SLC30A8: variants seen among roughly 807,000 people sequenced by gnomAD.
The protein encoded by SLC30A8 is proton-coupled zinc antiporter SLC30A8.
A neutral mutation model predicts 36.9 loss-of-function variants in SLC30A8; 27 were observed. The observed-to-expected ratio is 0.73, with a 90% CI of 0.54 to 1.01. The LOEUF (loss-of-function observed/expected upper bound fraction) is 1.01, where lower values mean the gene tolerates loss of function less well. SLC30A8 is among the 50% of genes least tolerant of loss of function. SLC30A8 has a pLI of 0.00. For missense variants in SLC30A8, 439 were observed against 452.0 expected (o/e 0.97, Z 0.26); for synonymous variants, 164 against 172.4 (o/e 0.95, Z 0.38).
chr8:117,041,324 G>A (rs939844181), intron 2 of SLC30A8, among the ~76,000 whole-genome samples: 5 of 152,212 alleles, frequency 3.3e-5, no homozygotes, highest in South Asian at 2.1e-4. Flanking sequence ...AACACTTTCC[G>A]AGTTTCATCA....
intron 6 of SLC30A8, among the ~76,000 whole-genome samples, chr8:117,167,241 G>A (rs1332030145): frequency 3.3e-5 from 5 of 152,046 alleles, no homozygotes; most frequent in South Asian, 2.1e-4. Context: ...ACTGGACTAC[G>A]TCAGCTAGTT....
chr8:117,003,593 T>C (rs1816083917), intron 1 of SLC30A8, among the ~76,000 whole-genome samples: 1 of 152,188 alleles, frequency 6.6e-6, no homozygotes, highest in African/African-American at 2.4e-5. Flanking sequence ...TTTTGTATAA[T>C]AGAGAAAATA....
At chr8:116,983,041 A>G (rs928141901) in intron 1 of SLC30A8, among the ~76,000 whole-genome samples, 1 of 152,148 alleles carries the variant, frequency 6.6e-6, no homozygotes, top group South Asian at 2.1e-4. Context: ...GAAAGAATCT[A>G]CCTTTCAAAC....
chr8:117,153,093 A>G lies in SLC30A8; in HGVS notation c.418+3A>G. On this transcript the variant is annotated splice_donor_region_variant and intron_variant, in intron 3 of 7. Coordinates refer to ENST00000456015, the MANE Select transcript of SLC30A8 (RefSeq NM_173851.3). ...GACATTTGGATGGCACCGAGCAGGT[A>G]CGGTTCATAGAGTGAGCAATAACAG... is the stretch of plus-strand genomic sequence containing the variant. 1 of 1,604,190 alleles carries G rather than the reference A, an allele frequency of 6.2e-7. No homozygotes were observed. The highest frequency in any genetic ancestry group is 8.5e-7 in the Non-Finnish European group (1 of 1,173,882).
chr8:117,140,830 A>C (rs1821617815), intron 1 of SLC30A8, among the ~76,000 whole-genome samples: 1 of 152,104 alleles, frequency 6.6e-6, no homozygotes, highest in African/African-American at 2.4e-5. Flanking sequence ...GCACCAATAA[A>C]GGTAATAATG....
At chr8:117,112,545 G>A (rs564035213) in intron 2 of SLC30A8, among the ~76,000 whole-genome samples, 8 of 152,196 alleles carry the variant, frequency 5.3e-5, no homozygotes, top group East Asian at 1.9e-4. Context: ...CAGCTCTGCC[G>A]GAGAGAGACT....
intron 1 of SLC30A8, among the ~76,000 whole-genome samples, chr8:117,019,141 AC>A (rs1342416057): frequency 2.0e-5 from 3 of 151,916 alleles, no homozygotes; most frequent in African/African-American, 4.8e-5. Flanking sequence ...GATTATCACA[AC>A]AATCCCCACA....
intron 2 of SLC30A8, among the ~76,000 whole-genome samples, chr8:117,114,030 C>G (rs1021141156): frequency 6.6e-6 from 1 of 151,938 alleles, no homozygotes; most frequent in South Asian, 2.1e-4. Flanking sequence ...ATGAGACCTC[C>G]CAGATGTTGG....
chr8:117,064,583 GGTTACTGATCAAA>G (rs1818111892), intron 2 of SLC30A8, among the ~76,000 whole-genome samples: 1 of 152,220 alleles, frequency 6.6e-6, no homozygotes, highest in South Asian at 2.1e-4. Context: ...AGTGATCACA[GGTTACTGATCAAA>G]GTAAGAGAAC....
intron 3 of SLC30A8, among the ~76,000 whole-genome samples, chr8:117,153,380 A>G (rs925661835): frequency 4.6e-5 from 7 of 152,172 alleles, no homozygotes; most frequent in South Asian, 2.1e-4. Context: ...ACATAACGCA[A>G]TTCATTAAAT....
At chr8:116,964,086 A>G (rs546381711) in intron 1 of SLC30A8, among the ~76,000 whole-genome samples, 54 of 152,360 alleles carry the variant, frequency 3.5e-4, no homozygotes, top group South Asian at 6.2e-4. Flanking sequence ...ATAAATTTAC[A>G]TAAAATTCGA....
chr8:117,147,958 G>A (rs1049228924), intron 2 of SLC30A8, among the ~76,000 whole-genome samples: 5 of 151,730 alleles, frequency 3.3e-5, no homozygotes, highest in Admixed American at 6.6e-5. Context: ...TTACTCATTC[G>A]TTTTTTAGAA....
At chr8:117,023,113 A>G (rs1174785741) in intron 1 of SLC30A8, among the ~76,000 whole-genome samples, 16 of 152,266 alleles carry the variant, frequency 1.1e-4, no homozygotes, top group Admixed American at 1.0e-3. Flanking sequence ...GCCAAAAGAC[A>G]CATGAAAAAA....
intron 2 of SLC30A8, among the ~76,000 whole-genome samples, chr8:117,059,004 A>G (rs559910999): frequency 6.7e-6 from 1 of 148,640 alleles, no homozygotes; most frequent in Admixed American, 6.7e-5. Flanking sequence ...TGCAAGGATA[A>G]AAGTTCACAA....
At chr8:117,042,979 T>C (rs753300159) in intron 2 of SLC30A8, among the ~76,000 whole-genome samples, 2 of 152,116 alleles carry the variant, frequency 1.3e-5, no homozygotes, top group Non-Finnish European at 2.9e-5. Flanking sequence ...CCCAGGCTAA[T>C]GTAGTACTAT....
intron 2 of SLC30A8, among the ~76,000 whole-genome samples, chr8:117,127,932 T>G (rs1820974178): frequency 6.6e-6 from 1 of 152,052 alleles, no homozygotes; most frequent in Admixed American, 6.6e-5. Flanking sequence ...CCAGTACCAA[T>G]GTATTTCTTT....
chr8:117,039,867 A>G (rs916042665), intron 2 of SLC30A8, among the ~76,000 whole-genome samples: 4 of 152,212 alleles, frequency 2.6e-5, no homozygotes, highest in East Asian at 3.9e-4. Context: ...GCCATTTTTT[A>G]TAGCTTTTGA....
chr8:117,005,952 T>C (rs1816160019), intron 1 of SLC30A8, among the ~76,000 whole-genome samples: 1 of 152,214 alleles, frequency 6.6e-6, no homozygotes, highest in African/African-American at 2.4e-5. Flanking sequence ...GTATTATTAG[T>C]TGTAACTTAA....
intron 2 of SLC30A8, chr8:117,129,833 T>C (rs1212766659): frequency 4.6e-5 from 7 of 152,152 alleles, no homozygotes; most frequent in African/African-American, 1.7e-4. Context: ...AATCTGTTGC[T>C]AAATACAATG....
Sources: allele counts gnomAD v4.1 joint callset (sites outside exome capture counted in the v4.1 genomes callset), GRCh38; gene constraint gnomAD v4.1.1; transcripts MANE v1.5; gene names NCBI Gene and HGNC (gene_info 2026-07-23, HGNC 2026-07-21).